The following MYH16 variants were observed in gnomAD, a reference collection of about 807,000 sequenced individuals.
MYH16 encodes myosin heavy chain 16.
chr7:99,301,102 G>A lies in MYH16; in HGVS notation n.4934-499G>A, dbSNP rs535837722. On this transcript the variant is annotated intron_variant and non_coding_transcript_variant, in intron 37 of 41. Transcript: ENST00000439784. ...CACAGGTACTTGGGAAGGTGAGGCAGGAGAATCACTTGAACCCGGGAGGCG... is the reference window on the plus strand; with the variant it reads ...CACAGGTACTTGGGAAGGTGAGGCAAGAGAATCACTTGAACCCGGGAGGCG... Among the ~76,000 whole-genome samples the A allele has an allele frequency of 6.8e-5, 10 of 147,382 alleles. No homozygotes were observed. In the East Asian group the frequency reaches 2.0e-3, roughly 30 times the overall value.
intron 41 of MYH16, among the ~76,000 whole-genome samples, chr7:99,306,288 G>A (rs1792677838): frequency 6.6e-6 from 1 of 152,124 alleles, no homozygotes; most frequent in Non-Finnish European, 1.5e-5. Flanking sequence ...CAGCACTTTG[G>A]GAGGTCGAGG....
At chr7:99,260,357 G>A (rs2150811249) in intron 12 of MYH16, 2 of 1,133,488 alleles carry the variant, frequency 1.8e-6, no homozygotes, top group Non-Finnish European at 2.6e-6. Flanking sequence ...TCAAAGGAGG[G>A]ATTGGAGAGA....
intron 23 of MYH16, among the ~76,000 whole-genome samples, chr7:99,282,445 A>T (rs932052414): frequency 6.6e-6 from 1 of 152,034 alleles, no homozygotes; most frequent in East Asian, 1.9e-4. Context: ...AGACTCTTGC[A>T]TGCCTCTGGT....
intron 19 of MYH16, among the ~76,000 whole-genome samples, chr7:99,272,546 GGGC>G: frequency 6.6e-6 from 1 of 152,090 alleles, no homozygotes; most frequent in East Asian, 1.9e-4. Context: ...AGACCAGCCT[GGGC>G]AACAGGAGAT....
At chr7:99,288,449 A>G (rs1197189023) in intron 29 of MYH16, among the ~76,000 whole-genome samples, 1 of 151,010 alleles carries the variant, frequency 6.6e-6, no homozygotes, top group Non-Finnish European at 1.5e-5. Flanking sequence ...AAAATAAAAT[A>G]AAATAAAATA....
intron 11 of MYH16, among the ~76,000 whole-genome samples, chr7:99,258,767 A>T (rs909640871): frequency 6.6e-6 from 1 of 151,896 alleles, no homozygotes; most frequent in Non-Finnish European, 1.5e-5. Context: ...AACACTATAA[A>T]TCGGGTTTGG....
exon 30 of MYH16, chr7:99,289,362 C>A: frequency 2.2e-6 from 1 of 445,146 alleles, no homozygotes; most frequent in Non-Finnish European, 4.5e-6. Flanking sequence ...AGAGCTAGAG[C>A]GAAACCAAGC....
At chr7:99,302,546 G>A (rs779009181) in intron 38 of MYH16, among the ~76,000 whole-genome samples, 9 of 151,970 alleles carry the variant, frequency 5.9e-5, no homozygotes, top group South Asian at 2.1e-4. Context: ...CAGCCTAGGC[G>A]ACAGAGAGAG....
At chr7:99,239,017 C>T (rs1489341489) in exon 1 of MYH16, 3 of 152,642 alleles carry the variant, frequency 2.0e-5, no homozygotes, top group Non-Finnish European at 1.5e-5. Context: ...ACCAAGTCAC[C>T]GTGAAGACGA....
chr7:99,264,009 A>G (rs912712632), intron 14 of MYH16, among the ~76,000 whole-genome samples: 8 of 152,164 alleles, frequency 5.3e-5, no homozygotes, highest in African/African-American at 1.7e-4. Flanking sequence ...TGCATCAGAA[A>G]TCACAAAAGA....
At chr7:99,282,703 AAC>A (rs1157853961) in intron 23 of MYH16, among the ~76,000 whole-genome samples, 1 of 151,754 alleles carries the variant, frequency 6.6e-6, no homozygotes, top group Non-Finnish European at 1.5e-5. Flanking sequence ...GTTTTCTAAA[AAC>A]TAGAAAAAAA....
rs1288827303 is a variant in MYH16, at chr7:99,259,714, A to ATG, written n.1405-449_1405-448insGT. ...AATATATATGTGTGTGTATATATATATATGTGTGTGTGTGTGTATATATAT... is the reference window on the plus strand; with the variant it reads ...AATATATATGTGTGTGTATATATATATGTATGTGTGTGTGTGTGTATATATAT... On this transcript the variant is annotated intron_variant and non_coding_transcript_variant, in intron 11 of 41. Transcript: ENST00000439784. 2.0e-5 allele frequency among the ~76,000 whole-genome samples: 3 copies of ATG among 149,350 alleles called. No individual in the cohort carries two copies. In the South Asian group the frequency reaches 6.2e-4, roughly 31 times the overall value.
intron 20 of MYH16, among the ~76,000 whole-genome samples, chr7:99,276,821 C>T (rs1792117654): frequency 6.6e-6 from 1 of 151,492 alleles, no homozygotes; most frequent in African/African-American, 2.4e-5. Context: ...GACACACACA[C>T]ATAGAGAAAA....
chr7:99,304,300 T>C (rs1443710666), intron 39 of MYH16, among the ~76,000 whole-genome samples: 1 of 152,162 alleles, frequency 6.6e-6, no homozygotes, highest in Non-Finnish European at 1.5e-5. Context: ...CTCCATGCTG[T>C]GCCCCTCATG....
chr7:99,269,195 C>A (rs981003628), intron 18 of MYH16, among the ~76,000 whole-genome samples: 3 of 152,180 alleles, frequency 2.0e-5, no homozygotes, highest in Non-Finnish European at 4.4e-5. Context: ...AGAATGTCAA[C>A]CTTTCATGTC....
chr7:99,292,496 TGGA>T (rs1792400639), exon 32 of MYH16: 1 of 468,282 alleles, frequency 2.1e-6, no homozygotes, highest in Non-Finnish European at 4.3e-6. Flanking sequence ...ACAGAGGAGC[TGGA>T]GGAGACCAAG....
chr7:99,243,296 G>C (rs570691847), exon 2 of MYH16: 1 of 153,106 alleles, frequency 6.5e-6, no homozygotes, highest in East Asian at 1.9e-4. Context: ...TGTGAAGAAG[G>C]ATGATATCCA....
At chr7:99,304,195 A>G (rs1250290360) in intron 39 of MYH16, among the ~76,000 whole-genome samples, 1 of 152,190 alleles carries the variant, frequency 6.6e-6, no homozygotes, top group Non-Finnish European at 1.5e-5. Context: ...TGTAAGGAGA[A>G]AGGGACTGAG....
At chr7:99,287,809 G>A in intron 28 of MYH16, 83 bp from the exon 10 acceptor site, 2 of 405,140 alleles carry the variant, frequency 4.9e-6, no homozygotes, top group South Asian at 3.5e-5. Context: ...GAATATCAGG[G>A]GACCACCGAG....
Sources: gnomAD v4.1 joint callset for allele counts (sites outside exome capture counted in the v4.1 genomes callset) on GRCh38, gnomAD v4.1.1 for gene constraint, MANE v1.5 for transcripts, NCBI Gene and HGNC (gene_info 2026-07-23, HGNC 2026-07-21) for gene names.